Variants in NFKB1 observed in about 807,000 individuals in gnomAD.
NFKB1 encodes the protein nuclear factor kappa B subunit 1.
Under a neutral mutation model 105.1 loss-of-function variants are expected in NFKB1, and 9 were observed. The observed-to-expected ratio is 0.09, with a 90% CI of 0.05 to 0.15. The LOEUF (loss-of-function observed/expected upper bound fraction) is 0.15, where lower values mean the gene tolerates loss of function less well. NFKB1 is among the 10% of genes least tolerant of loss of function. The probability of loss-of-function intolerance (pLI) is 1.00; values close to 1 mark genes in which losing one functional copy is unlikely to be tolerated. For synonymous variants in NFKB1, 440 were observed against 442.2 expected, an observed-to-expected ratio of 1.00 and a Z score of 0.06; for missense variants, 830 against 1,203.7, an observed-to-expected ratio of 0.69 and a Z score of 4.59.
At chr4:102,613,006 A>AT (rs11296045) in intron 22 of NFKB1, among the ~76,000 whole-genome samples, 38 of 148,136 alleles carry the variant, frequency 2.6e-4, no homozygotes, top group Admixed American at 7.4e-4. Context: ...TTACCCGGGG[A>AT]TTTTTTTTTT....
intron 1 of NFKB1, among the ~76,000 whole-genome samples, chr4:102,506,546 T>G (rs1442895434): frequency 6.6e-6 from 1 of 152,220 alleles, no homozygotes; most frequent in Non-Finnish European, 1.5e-5. Context: ...TAGCACAGTT[T>G]GTTCATTATT....
At chr4:102,590,212 C>A (rs1283593279) in intron 11 of NFKB1, among the ~76,000 whole-genome samples, 1 of 152,116 alleles carries the variant, frequency 6.6e-6, no homozygotes, top group Non-Finnish European at 1.5e-5. Context: ...TTTAGTATGT[C>A]CCACACACAC....
At chr4:102,603,589 A>G (rs1455037624) in intron 16 of NFKB1, among the ~76,000 whole-genome samples, 2 of 152,068 alleles carry the variant, frequency 1.3e-5, no homozygotes, top group Non-Finnish European at 2.9e-5. Context: ...CTTCCCTAGT[A>G]TGCCTTCTAG....
At chr4:102,553,100 C>CT (rs1722741764) in intron 5 of NFKB1, among the ~76,000 whole-genome samples, 1 of 152,154 alleles carries the variant, frequency 6.6e-6, no homozygotes, top group South Asian at 2.1e-4. Context: ...ATCTTATGTA[C>CT]TTTCCTTCTG....
chr4:102,553,655 T>G (rs1417539153), intron 5 of NFKB1, among the ~76,000 whole-genome samples: 1 of 152,162 alleles, frequency 6.6e-6, no homozygotes. Flanking sequence ...TTGCGTGTCT[T>G]TTTTTCTCTC....
At chr4:102,565,440 G>A (rs1219625106) in intron 5 of NFKB1, among the ~76,000 whole-genome samples, 1 of 152,092 alleles carries the variant, frequency 6.6e-6, no homozygotes. Context: ...TCAGCTTTTC[G>A]ACTCTTGGAT....
chr4:102,590,902 AG>A (rs1726114281), intron 11 of NFKB1, among the ~76,000 whole-genome samples: 1 of 152,194 alleles, frequency 6.6e-6, no homozygotes, highest in African/African-American at 2.4e-5. Context: ...CAGTTAGCCA[AG>A]GTTTTAGTGG....
chr4:102,541,133 C>G (rs1376791769), intron 5 of NFKB1, among the ~76,000 whole-genome samples: 1 of 152,114 alleles, frequency 6.6e-6, no homozygotes, highest in Non-Finnish European at 1.5e-5. Context: ...CCTCCCTGAC[C>G]TTGACTCACT....
chr4:102,568,910 A>G (rs1402471787), intron 6 of NFKB1, among the ~76,000 whole-genome samples: 4 of 152,104 alleles, frequency 2.6e-5, no homozygotes, highest in Non-Finnish European at 5.9e-5. Flanking sequence ...GAATTTGATC[A>G]TTATGATGTC....
chr4:102,553,633 GT>G (rs1434927297), intron 5 of NFKB1, among the ~76,000 whole-genome samples: 6 of 152,088 alleles, frequency 3.9e-5, no homozygotes, highest in Non-Finnish European at 8.8e-5. Flanking sequence ...AAATTTCTCA[GT>G]GTATCTTTGT....
At chr4:102,502,369 C>G (rs1294170456) in intron 1 of NFKB1, among the ~76,000 whole-genome samples, 2 of 133,418 alleles carry the variant, frequency 1.5e-5, no homozygotes, top group South Asian at 2.4e-4. Flanking sequence ...CCCCTCCCCC[C>G]CTCCGTGCGC....
chr4:102,506,401 C>T (rs1157427035), intron 1 of NFKB1, among the ~76,000 whole-genome samples: 1 of 152,098 alleles, frequency 6.6e-6, no homozygotes, highest in Non-Finnish European at 1.5e-5. Context: ...CACCTATCAC[C>T]CATAAATCTG....
In NFKB1 at chr4:102,578,891, A is replaced by T. The variant is rs1416497348; in HGVS notation, c.582A>T (p.Lys194Asn). The change falls in exon 8 of 24, where the codon AAA becomes AAT. Residue 194 changes from lysine (K) to asparagine (N), a missense_variant. Physicochemically the swap from Lys to Asn is moderately conservative, Grantham distance 94. Around this residue, in one of 8 missense-constraint regions of NFKB1, gnomAD observed 80 missense variants for 122.6 expected, o/e 0.65. Coordinates refer to ENST00000226574, the MANE Select transcript of NFKB1 (RefSeq NM_003998.4). ...GGDRQLGDRE[K>N]ELIRQAALQQ... is the part of the protein sequence containing the mutation. Reference sequence around the variant, plus strand: ...GCTGTATGGCCCTAGATCGGGAAAAAGAGCTAATCCGCCAAGCAGCTCTGC... The same window carrying T: ...GCTGTATGGCCCTAGATCGGGAAAATGAGCTAATCCGCCAAGCAGCTCTGC... The T allele has an allele frequency of 6.2e-7, 1 of 1,613,928 alleles. No homozygotes were observed. The highest frequency in any genetic ancestry group is 1.3e-5 in the African/African-American group (1 of 74,902).
At chr4:102,512,473 C>G (rs1325953096) in intron 1 of NFKB1, among the ~76,000 whole-genome samples, 1 of 152,120 alleles carries the variant, frequency 6.6e-6, no homozygotes, top group Non-Finnish European at 1.5e-5. Flanking sequence ...CTCAGCCACC[C>G]AAGTAGGTGG....
chr4:102,594,910 A>G lies in NFKB1; in HGVS notation c.1229A>G (p.Tyr410Cys), dbSNP rs1461019247. Residue 410 changes from tyrosine (Y) to cysteine (C), a missense_variant, in exon 13 of 24, where the codon TAT (tyrosine) becomes TGT (cysteine). Around this residue, in one of 8 missense-constraint regions of NFKB1, gnomAD observed 163 missense variants for 164.3 expected, o/e 0.99. Coordinates refer to ENST00000226574, the MANE Select transcript of NFKB1 (RefSeq NM_003998.4). ...STGPGYSFPH[Y>C]GFPTYGGITF... is the part of the protein sequence containing the mutation. ...GTTTCAGGGTATAGCTTCCCACACT[A>G]TGGATTTCCTACTTATGGTGGGATT... The G allele has an allele frequency of 1.2e-6, 2 of 1,611,034 alleles. No homozygotes were observed. Among genetic ancestry groups the G allele is most frequent in the Non-Finnish European group, 1.7e-6 (2 of 1,177,924 alleles).
rs372266470 is a variant in NFKB1, at chr4:102,533,920, T to G, written c.159+35T>G. The G allele has an allele frequency of 6.5e-6, 10 of 1,546,616 alleles. No homozygotes were observed. The African/African-American group carries it at 1.4e-4, about 21-fold the overall frequency. ...AAGGGGTGGGACTTTAAATGTTAGATTCCAGTGTCTAATATTGAGATCATA... is the reference window on the plus strand; with the variant it reads ...AAGGGGTGGGACTTTAAATGTTAGAGTCCAGTGTCTAATATTGAGATCATA... On this transcript the variant is annotated intron_variant, in intron 4 of 23. Transcript: ENST00000226574.
chr4:102,518,259 G>A (rs556364478), intron 1 of NFKB1, among the ~76,000 whole-genome samples: 2 of 152,172 alleles, frequency 1.3e-5, no homozygotes, highest in African/African-American at 2.4e-5. Context: ...TGTTTTAAAG[G>A]TATCACTGCT....
intron 6 of NFKB1, among the ~76,000 whole-genome samples, chr4:102,573,654 T>C (rs1331235342): frequency 6.6e-6 from 1 of 152,152 alleles, no homozygotes; most frequent in Non-Finnish European, 1.5e-5. Flanking sequence ...TTCATCTTCT[T>C]CTGGAACCCC....
At position 102,613,478 on chromosome 4, in the gene NFKB1, C is replaced by T. The variant is rs754077871; in HGVS notation, c.2646C>T (p.Tyr882=). 3 of 1,613,996 alleles carry T rather than the reference C, an allele frequency of 1.9e-6. No individual in the cohort carries two copies. The highest frequency in any genetic ancestry group is 1.1e-5 in the South Asian group (1 of 91,074). ...TGGAGGCCCTGAGACAAATGGGCTA[C>T]ACCGAAGCAATTGAAGTGATCCAGG... The part of the protein sequence containing the change: ...ELVEALRQMG[Y]TEAIEVIQAA... The change falls in exon 23 of 24, where the codon TAC becomes TAT. Residue 882 remains tyrosine (Y), a synonymous_variant. Coordinates refer to ENST00000226574, the MANE Select transcript of NFKB1 (RefSeq NM_003998.4).
Sources: allele counts gnomAD v4.1 joint callset (sites outside exome capture counted in the v4.1 genomes callset), GRCh38; gene constraint gnomAD v4.1.1; regional missense constraint gnomAD v4.1.1; transcripts MANE v1.5; gene names NCBI Gene and HGNC (gene_info 2026-07-23, HGNC 2026-07-21).